SLC5A11: variants seen among roughly 807,000 people sequenced by gnomAD.
The protein encoded by SLC5A11 is sodium/myo-inositol cotransporter 2.
Under a neutral mutation model 69.8 loss-of-function variants are expected in SLC5A11, and 48 were observed. The ratio of observed to expected loss-of-function variants is 0.69; its 90% CI spans 0.55 to 0.87. The LOEUF is 0.87. Among genes scored for constraint, SLC5A11 ranks in the 40% least tolerant of loss-of-function variants. The probability of loss-of-function intolerance (pLI) is 0.00; values close to 1 mark genes in which losing one functional copy is unlikely to be tolerated. For missense variants in SLC5A11, 784 were observed against 866.1 expected (o/e 0.91, Z 1.19); for synonymous variants, 319 against 342.4 (o/e 0.93, Z 0.75).
At position 24,907,577 on chromosome 16, in the gene SLC5A11, G is replaced by A. The variant is rs568880275; in HGVS notation, c.1266-386G>A. ...AAATACAAAAATTAGCTGTGGTGGC[G>A]TGTGCCTGTAATCCCAGCTACTCAG... On this transcript the variant is annotated intron_variant, in intron 12 of 15. Coordinates refer to ENST00000347898, the Ensembl canonical transcript of SLC5A11. Among the ~76,000 whole-genome samples the A allele has an allele frequency of 1.9e-4, 29 of 152,156 alleles. No homozygotes were observed. The South Asian group carries it at 2.3e-3, about 12-fold the overall frequency.
chr16:24,911,208 G>T, intron 15 of SLC5A11, 120 bp from the exon 17 acceptor site: 12 of 796,788 alleles, frequency 1.5e-5, no homozygotes, highest in Non-Finnish European at 2.5e-5. Flanking sequence ...GTCGGGCATA[G>T]TGGATGGTGG....
intron 1 of SLC5A11, 42 bp downstream of exon 2, chr16:24,846,480 A>G (rs2059018975): frequency 1.3e-5 from 2 of 152,654 alleles, no homozygotes. Context: ...CACTCTCCAA[A>G]CTGGGAAGTT....
chr16:24,858,547 G>A lies in SLC5A11; in HGVS notation c.-24-73G>A. The A allele has an allele frequency of 4.3e-6, 6 of 1,407,458 alleles. 1 individual carries two copies. The South Asian group carries it at 7.4e-5, about 17-fold the overall frequency. The allele number at this position is 1,407,458 out of a possible 1,614,324, so 87.2% of individuals were successfully genotyped here. A position where few individuals can be genotyped will look rare whatever the true frequency, so the allele number is the denominator to read the frequency against. ...GGGTCCTCTTTCATGGATGGCCTAG[G>A]GAGGTAGCTACAGAAAGGGTGAGAA... On this transcript the variant is annotated intron_variant, in intron 1 of 15. Transcript: ENST00000347898.
chr16:24,858,687 C>T, exon 2 of SLC5A11: 10 of 1,611,610 alleles, frequency 6.2e-6, no homozygotes, highest in Non-Finnish European at 8.5e-6. Flanking sequence ...CAGTTAGATC[C>T]CCTGGATGCG....
intron 10 of SLC5A11, among the ~76,000 whole-genome samples, chr16:24,899,575 T>C (rs1429760596): frequency 6.6e-6 from 1 of 152,104 alleles, no homozygotes; most frequent in Non-Finnish European, 1.5e-5. Flanking sequence ...GGCTAATTTT[T>C]GTATTTTTAG....
At chr16:24,890,812 A>G in intron 8 of SLC5A11, 57 bp from the exon 10 acceptor site, 1 of 1,546,650 alleles carries the variant, frequency 6.5e-7, no homozygotes, top group South Asian at 1.1e-5. Context: ...CCATCTCCTC[A>G]TCACTTGCCA....
intron 3 of SLC5A11, among the ~76,000 whole-genome samples, chr16:24,863,868 C>T (rs1404797380): frequency 6.6e-6 from 1 of 152,144 alleles, no homozygotes; most frequent in Non-Finnish European, 1.5e-5. Flanking sequence ...GGGATTAGAA[C>T]TCTTTCAAAA....
At chr16:24,855,069 A>T (rs1462130970) in intron 1 of SLC5A11, among the ~76,000 whole-genome samples, 1 of 151,838 alleles carries the variant, frequency 6.6e-6, no homozygotes, top group Non-Finnish European at 1.5e-5. Context: ...GGCTCAAGTG[A>T]TCCTCCTGCC....
At chr16:24,851,460 G>A (rs577256422) in intron 1 of SLC5A11, among the ~76,000 whole-genome samples, 3 of 152,186 alleles carry the variant, frequency 2.0e-5, no homozygotes, top group Admixed American at 6.5e-5. Context: ...CAGGAGAATC[G>A]CTTGAAGCCA....
At chr16:24,902,859 A>T (rs1298608563) in intron 10 of SLC5A11, among the ~76,000 whole-genome samples, 1 of 152,208 alleles carries the variant, frequency 6.6e-6, no homozygotes, top group African/African-American at 2.4e-5. Context: ...ATTAAATGAG[A>T]CATAACACCA....
At position 24,909,132 on chromosome 16, in the gene SLC5A11, T is replaced by G. The variant is rs779151456; in HGVS notation, c.1650+36T>G. 6 of 1,601,466 alleles carry G rather than the reference T, an allele frequency of 3.7e-6. No individual in the cohort carries two copies. The African/African-American group carries it at 8.0e-5, about 21-fold the overall frequency. On this transcript the variant is annotated intron_variant, in intron 14 of 15. Transcript: ENST00000347898. Reference sequence around the variant, plus strand: ...GCTGATGGCTAGATCCGTTGAGACTTTTTGTTGGAAGTGACAGAAAACTGA... The same window carrying G: ...GCTGATGGCTAGATCCGTTGAGACTGTTTGTTGGAAGTGACAGAAAACTGA...
chr16:24,898,221 T>C, intron 10 of SLC5A11, 112 bp downstream of exon 11: 1 of 1,369,980 alleles, frequency 7.3e-7, no homozygotes, highest in East Asian at 2.4e-5. Context: ...GTCCTTTCTC[T>C]CTTTTTCTAA....
In SLC5A11 at chr16:24,858,774, T is replaced by C. The variant is rs768912256; in HGVS notation, c.131T>C (p.Leu44Pro). The change falls in exon 2 of 16, where the codon CTA becomes CCA. Residue 44 changes from leucine to proline, a missense_variant. Coordinates refer to ENST00000347898, the Ensembl canonical transcript of SLC5A11. ...TTCCTCTTTGTCCTGGCTGTTGGACTATGGGTAAGCCAGGCCACTGGGGGA... is the reference window on the plus strand; with the variant it reads ...TTCCTCTTTGTCCTGGCTGTTGGACCATGGGTAAGCCAGGCCACTGGGGGA... 1.4e-5 allele frequency: 22 copies of C among 1,610,966 alleles called. No individual in the cohort carries two copies. The South Asian group carries it at 1.8e-4, about 13-fold the overall frequency.
At chr16:24,902,689 G>T (rs972002507) in intron 10 of SLC5A11, among the ~76,000 whole-genome samples, 1 of 151,922 alleles carries the variant, frequency 6.6e-6, no homozygotes, top group South Asian at 2.1e-4. Flanking sequence ...ACAGGCATGC[G>T]CCACCAACCC....
At chr16:24,907,030 C>A (rs140262201) in exon 12 of SLC5A11, 3 of 1,613,936 alleles carry the variant, frequency 1.9e-6, no homozygotes, top group Non-Finnish European at 2.5e-6. Context: ...CCCAGGGCTC[C>A]GTGGGCTGAT....
At chr16:24,887,019 A>G (rs915616059) in intron 8 of SLC5A11, among the ~76,000 whole-genome samples, 5 of 152,130 alleles carry the variant, frequency 3.3e-5, no homozygotes, top group Non-Finnish European at 5.9e-5. Context: ...AAAATAATAA[A>G]CAAACTGGTC....
At chr16:24,886,895 G>A (rs1353419530) in intron 8 of SLC5A11, among the ~76,000 whole-genome samples, 1 of 152,110 alleles carries the variant, frequency 6.6e-6, no homozygotes, top group Non-Finnish European at 1.5e-5. Context: ...TTGAGTCCAG[G>A]TGCTCGAGGC....
At chr16:24,886,250 G>T (rs1195889040) in intron 8 of SLC5A11, among the ~76,000 whole-genome samples, 1 of 152,024 alleles carries the variant, frequency 6.6e-6, no homozygotes, top group Non-Finnish European at 1.5e-5. Context: ...CACCAGGATG[G>T]TCTCCATCTC....
intron 3 of SLC5A11, among the ~76,000 whole-genome samples, chr16:24,868,554 A>C (rs368841742): frequency 5.8e-4 from 87 of 149,654 alleles, no homozygotes; most frequent in African/African-American, 2.0e-3. Flanking sequence ...AGCTGAGATC[A>C]CACCACTGCA....
Sources: gnomAD v4.1 joint callset for allele counts (sites outside exome capture counted in the v4.1 genomes callset) on GRCh38, gnomAD v4.1.1 for gene constraint, MANE v1.5 for transcripts, NCBI Gene and HGNC (gene_info 2026-07-23, HGNC 2026-07-21) for gene names.